Variants in IMMP2L observed in about 807,000 individuals in gnomAD.
IMMP2L encodes the protein inner mitochondrial membrane peptidase subunit 2.
Under a neutral mutation model 19.3 loss-of-function variants are expected in IMMP2L, and 18 were observed. That is an observed-to-expected ratio of 0.93 (90% confidence interval 0.64 to 1.38). The LOEUF is 1.38. Ranked by LOEUF, IMMP2L falls within the 40% of genes most tolerant of loss-of-function variation. The pLI, the probability that IMMP2L is intolerant of heterozygous loss-of-function variation, is 0.00. For synonymous variants in IMMP2L, 76 were observed against 73.0 expected (o/e 1.04, Z -0.21); for missense variants, 233 against 218.2 (o/e 1.07, Z -0.43).
At chr7:111,215,899 T>C (rs1391434368) in intron 3 of IMMP2L, among the ~76,000 whole-genome samples, 1 of 152,150 alleles carries the variant, frequency 6.6e-6, no homozygotes, top group African/African-American at 2.4e-5. Context: ...AATCTTCACA[T>C]TCCCTCTCAG....
intron 3 of IMMP2L, among the ~76,000 whole-genome samples, chr7:111,212,196 A>C (rs985567645): frequency 6.6e-6 from 1 of 151,728 alleles, no homozygotes; most frequent in African/African-American, 2.4e-5. Flanking sequence ...CTCTTTCTCA[A>C]CTTTCTGGGG....
intron 1 of IMMP2L, among the ~76,000 whole-genome samples, chr7:111,537,398 G>A (rs532307904): frequency 1.3e-5 from 2 of 151,926 alleles, no homozygotes; most frequent in Non-Finnish European, 2.9e-5. Flanking sequence ...GAAAAAAATA[G>A]AAATCATCCT....
At chr7:111,143,427 G>A (rs1803149320) in intron 3 of IMMP2L, among the ~76,000 whole-genome samples, 1 of 151,998 alleles carries the variant, frequency 6.6e-6, no homozygotes, top group African/African-American at 2.4e-5. Context: ...ATAACAACAG[G>A]TGTTATCCTA....
At chr7:111,241,271 A>G (rs544132679) in intron 3 of IMMP2L, among the ~76,000 whole-genome samples, 1 of 152,138 alleles carries the variant, frequency 6.6e-6, no homozygotes, top group South Asian at 2.1e-4. Flanking sequence ...AATATAAAAT[A>G]ATTTGAAGTT....
chr7:111,238,402 A>G (rs1814596841), intron 3 of IMMP2L, among the ~76,000 whole-genome samples: 1 of 152,086 alleles, frequency 6.6e-6, no homozygotes, highest in South Asian at 2.1e-4. Context: ...AGTAATAATT[A>G]CTACATATAT....
At chr7:111,144,368 T>G (rs953101718) in intron 3 of IMMP2L, among the ~76,000 whole-genome samples, 10 of 152,144 alleles carry the variant, frequency 6.6e-5, no homozygotes, top group African/African-American at 2.4e-4. Context: ...AGATCATAAT[T>G]TCTGCCCTTG....
chr7:110,938,125 G>A (rs774871833), intron 4 of IMMP2L, among the ~76,000 whole-genome samples: 11 of 151,828 alleles, frequency 7.2e-5, no homozygotes, highest in African/African-American at 1.2e-4. Flanking sequence ...CCCAATTTTC[G>A]TGTTATCGTC....
At chr7:111,021,945 C>T (rs766763630) in intron 3 of IMMP2L, among the ~76,000 whole-genome samples, 2 of 152,056 alleles carry the variant, frequency 1.3e-5, no homozygotes, top group African/African-American at 2.4e-5. Flanking sequence ...GGGAAAGACC[C>T]GCCCCCATGA....
intron 3 of IMMP2L, among the ~76,000 whole-genome samples, chr7:111,253,001 T>C (rs1816316228): frequency 6.6e-6 from 1 of 152,166 alleles, no homozygotes; most frequent in Admixed American, 6.6e-5. Flanking sequence ...AAAATGTTCA[T>C]AGATTTTACC....
At chr7:110,811,233 T>G (rs1295809633) in intron 5 of IMMP2L, among the ~76,000 whole-genome samples, 4 of 152,084 alleles carry the variant, frequency 2.6e-5, no homozygotes, top group Non-Finnish European at 5.9e-5. Context: ...TTTTCTCTAT[T>G]TTTATAACAC....
Position 110,803,072 on chromosome 7 carries a change from T to G in IMMP2L, c.408+83521A>C, listed in dbSNP as rs2131223350. 6.6e-6 allele frequency among the ~76,000 whole-genome samples: 1 copy of G among 152,262 alleles called. No homozygotes were observed. Among genetic ancestry groups the G allele is most frequent in the East Asian group, 1.9e-4 (1 of 5,152 alleles). On this transcript the variant is annotated intron_variant, in intron 5 of 5. Coordinates refer to ENST00000405709, the MANE Select transcript of IMMP2L (RefSeq NM_032549.4). This position sits in a 1 kb window ranked among gnomAD's most constrained non-coding sequence, Gnocchi z 4.2. ...CCAGATCAGCTCCATAGTGGTTTTA[T>G]GGAGAATGCCTATTGAAATAGATGA... is the stretch of plus-strand genomic sequence containing the variant.
In IMMP2L at chr7:111,514,633, A is replaced by T. The variant is rs150997382; in HGVS notation, c.135+6680T>A. On this transcript the variant is annotated intron_variant, in intron 2 of 5. Coordinates refer to ENST00000405709, the MANE Select transcript of IMMP2L (RefSeq NM_032549.4). The stretch of plus-strand genomic sequence containing the variant: ...ACAATGGGTAAATTCAATGGTATAT[A>T]AATTATACCTCAATAAAAATGTGTT... Among the ~76,000 whole-genome samples, 3 of 152,274 alleles carry T rather than the reference A, an allele frequency of 2.0e-5. No homozygotes were observed. In the East Asian group the frequency reaches 5.8e-4, roughly 29 times the overall value.
intron 3 of IMMP2L, among the ~76,000 whole-genome samples, chr7:111,386,357 A>G (rs1831752465): frequency 6.6e-6 from 1 of 152,164 alleles, no homozygotes; most frequent in Admixed American, 6.5e-5. Context: ...AATGTTTAAG[A>G]TAAGGCAAAT....
intron 3 of IMMP2L, among the ~76,000 whole-genome samples, chr7:111,014,218 T>A (rs545410559): frequency 6.6e-6 from 1 of 152,016 alleles, no homozygotes; most frequent in East Asian, 1.9e-4. Context: ...AGCCAGGCAT[T>A]GTGGCGCATG....
chr7:110,712,453 CTGTCTTTTTGTT>C (rs1223190873), intron 5 of IMMP2L, among the ~76,000 whole-genome samples: 6 of 27,890 alleles, frequency 2.2e-4, no homozygotes, highest in African/African-American at 6.5e-4. Flanking sequence ...GAGGTTACTG[CTGTCTTTTTGTT>C]TGTCTGTGCC....
At chr7:110,776,732 G>C (rs921573062) in intron 5 of IMMP2L, among the ~76,000 whole-genome samples, 1 of 151,974 alleles carries the variant, frequency 6.6e-6, no homozygotes, top group African/African-American at 2.4e-5. Flanking sequence ...TTTCTAGAAA[G>C]TACCAATATT....
At chr7:110,917,519 T>A (rs978892988) in intron 4 of IMMP2L, among the ~76,000 whole-genome samples, 1 of 152,220 alleles carries the variant, frequency 6.6e-6, no homozygotes, top group East Asian at 1.9e-4. Flanking sequence ...TATTAACTCA[T>A]ATTTGTTGAT....
At chr7:110,840,857 T>C (rs752046125) in intron 5 of IMMP2L, among the ~76,000 whole-genome samples, 1 of 152,076 alleles carries the variant, frequency 6.6e-6, no homozygotes, top group Non-Finnish European at 1.5e-5. Flanking sequence ...TACAAAAATG[T>C]TATTTCATAG....
chr7:111,474,449 T>C (rs938839728), intron 3 of IMMP2L, among the ~76,000 whole-genome samples: 23 of 151,938 alleles, frequency 1.5e-4, no homozygotes, highest in African/African-American at 4.8e-4. Flanking sequence ...TATTCAAAGA[T>C]AACTGCAGGA....
Sources: gnomAD v4.1 joint callset for allele counts (sites outside exome capture counted in the v4.1 genomes callset) on GRCh38, gnomAD v4.1.1 for gene constraint, Gnocchi (gnomAD v3.1) non-coding constraint, MANE v1.5 for transcripts, NCBI Gene and HGNC (gene_info 2026-07-23, HGNC 2026-07-21) for gene names.